IQGAP2: variants seen among roughly 807,000 people sequenced by gnomAD.
The protein encoded by IQGAP2 is ras GTPase-activating-like protein IQGAP2.
A neutral mutation model predicts 201.3 loss-of-function variants in IQGAP2; 173 were observed. That is an observed-to-expected ratio of 0.86 (90% CI 0.76 to 0.98). The LOEUF (loss-of-function observed/expected upper bound fraction) is 0.98, where lower values mean the gene tolerates loss of function less well. IQGAP2 is among the 50% of genes least tolerant of loss of function. The probability of loss-of-function intolerance (pLI) is 0.00; values close to 1 mark genes in which losing one functional copy is unlikely to be tolerated. For missense variants in IQGAP2, 1,687 were observed against 1,864.8 expected (o/e 0.90, Z 1.76); for synonymous variants, 675 against 673.9 (o/e 1.00, Z -0.03).
intron 9 of IQGAP2, chr5:76,597,201 A>T: frequency 3.9e-6 from 2 of 518,184 alleles, no homozygotes; most frequent in Non-Finnish European, 6.9e-6. Context: ...CTCAGGAATG[A>T]TCTCATACCC....
chr5:76,624,766 T>C (rs1025097234), intron 13 of IQGAP2, among the ~76,000 whole-genome samples: 1 of 152,188 alleles, frequency 6.6e-6, no homozygotes, highest in Non-Finnish European at 1.5e-5. Flanking sequence ...TTCAGTCTTC[T>C]GGTGAACAAC....
In IQGAP2 at chr5:76,409,570, C is replaced by T. The variant is rs142204516; in HGVS notation, c.46+5979C>T. ...CCTTACATGGGCTTTTCATAGAATA[C>T]ATCCAAGCTTCATCAAAAGATTTTG... On this transcript the variant is annotated intron_variant, in intron 1 of 35. Coordinates refer to ENST00000274364, the MANE Select transcript of IQGAP2 (RefSeq NM_006633.5). Among the ~76,000 whole-genome samples, 5 of 152,250 alleles carry T rather than the reference C, an allele frequency of 3.3e-5. No individual in the cohort carries two copies. The East Asian group carries it at 9.6e-4, about 29-fold the overall frequency.
In IQGAP2 at chr5:76,428,126, G is replaced by C. The variant is rs572226541; in HGVS notation, c.46+24535G>C. Among the ~76,000 whole-genome samples the C allele has an allele frequency of 4.6e-5, 7 of 152,314 alleles. No individual in the cohort carries two copies. In the East Asian group the frequency reaches 1.4e-3, roughly 30 times the overall value. ...TCTGAGCTATTTGGTGGCTCCCTGGGTGTGGTTTGAGCAGAGACTCACAGA... is the reference window on the plus strand; with the variant it reads ...TCTGAGCTATTTGGTGGCTCCCTGGCTGTGGTTTGAGCAGAGACTCACAGA... On this transcript the variant is annotated intron_variant, in intron 1 of 35. Coordinates refer to ENST00000274364, the MANE Select transcript of IQGAP2 (RefSeq NM_006633.5).
At chr5:76,519,679 G>T (rs185932233) in intron 2 of IQGAP2, among the ~76,000 whole-genome samples, 2 of 152,104 alleles carry the variant, frequency 1.3e-5, no homozygotes, top group Non-Finnish European at 2.9e-5. Flanking sequence ...ATTTTTTTCT[G>T]CAACTTCCTC....
chr5:76,664,278 G>C (rs1743528115), intron 21 of IQGAP2, among the ~76,000 whole-genome samples: 1 of 152,156 alleles, frequency 6.6e-6, no homozygotes. Flanking sequence ...GGGGGCCCAA[G>C]AAGAGAAGAG....
At chr5:76,449,879 A>T (rs1753625686) in intron 1 of IQGAP2, among the ~76,000 whole-genome samples, 1 of 152,192 alleles carries the variant, frequency 6.6e-6, no homozygotes. Flanking sequence ...AAACGCCTGG[A>T]GGAGATCAGT....
intron 28 of IQGAP2, among the ~76,000 whole-genome samples, chr5:76,678,417 AT>A (rs1239911191): frequency 1.5e-4 from 22 of 151,368 alleles, no homozygotes; most frequent in Non-Finnish European, 3.1e-4. Flanking sequence ...CTTTTCAAAC[AT>A]TAAAATTAAA....
At chr5:76,573,668 G>GTGGTGCCATCTCGGCTCACTGCAA (rs1554070001) in intron 4 of IQGAP2, among the ~76,000 whole-genome samples, 7 of 152,208 alleles carry the variant, frequency 4.6e-5, no homozygotes, top group African/African-American at 1.7e-4. Context: ...CTGGACTGCA[G>GTGGTGCCATCTCGGCTCACTGCAA]TGGTGCCATC....
chr5:76,418,820 G>A (rs894826147), intron 1 of IQGAP2, among the ~76,000 whole-genome samples: 1 of 152,148 alleles, frequency 6.6e-6, no homozygotes, highest in African/African-American at 2.4e-5. Context: ...AAAAGTAGGG[G>A]GGTGAGTGTG....
At chr5:76,672,804 G>A (rs369381584) in intron 24 of IQGAP2, among the ~76,000 whole-genome samples, 316 of 150,814 alleles carry the variant, frequency 2.1e-3, no homozygotes, top group African/African-American at 7.3e-3. Flanking sequence ...ATGCACTAAG[G>A]TATGAAAATT....
chr5:76,533,327 G>A (rs74351827), intron 2 of IQGAP2, among the ~76,000 whole-genome samples: 75 of 152,216 alleles, frequency 4.9e-4, no homozygotes, highest in East Asian at 3.5e-3. Context: ...ATTACTCACC[G>A]ACGGGGTCTC....
intron 1 of IQGAP2, among the ~76,000 whole-genome samples, chr5:76,447,517 ACGTC>A (rs995524235): frequency 6.6e-6 from 1 of 152,208 alleles, no homozygotes; most frequent in Non-Finnish European, 1.5e-5. Flanking sequence ...GGGCATAGCC[ACGTC>A]CGTCGAGAGC....
chr5:76,438,406 TG>T (rs1752838284), intron 1 of IQGAP2, among the ~76,000 whole-genome samples: 1 of 151,734 alleles, frequency 6.6e-6, no homozygotes, highest in African/African-American at 2.4e-5. Flanking sequence ...AGTGATCCTT[TG>T]TATTTCTGTG....
intron 10 of IQGAP2, 55 bp downstream of exon 10, chr5:76,597,657 A>C: frequency 5.1e-6 from 8 of 1,578,750 alleles, no homozygotes; most frequent in Non-Finnish European, 6.9e-6. Context: ...GCCATGGCGC[A>C]CTAGGGAAGC....
chr5:76,563,554 A>G (rs1235428099), intron 3 of IQGAP2, among the ~76,000 whole-genome samples: 3 of 152,192 alleles, frequency 2.0e-5, no homozygotes, highest in Non-Finnish European at 4.4e-5. Context: ...TATATTCAGA[A>G]GGAAAAGGAA....
At chr5:76,587,768 C>G (rs896376250) in intron 5 of IQGAP2, among the ~76,000 whole-genome samples, 14 of 151,646 alleles carry the variant, frequency 9.2e-5, no homozygotes, top group African/African-American at 2.9e-4. Flanking sequence ...ATGGTGAAAC[C>G]CCGTCTCTAC....
At chr5:76,555,292 T>A (rs1306520635) in intron 2 of IQGAP2, among the ~76,000 whole-genome samples, 2 of 152,254 alleles carry the variant, frequency 1.3e-5, no homozygotes, top group Non-Finnish European at 2.9e-5. Context: ...GTGTATGATG[T>A]GTGGATTATA....
At position 76,611,031 on chromosome 5, in the gene IQGAP2, G is replaced by A. The variant is rs1561507549; in HGVS notation, c.1369G>A (p.Val457Ile). 1 of 1,612,376 alleles carries A rather than the reference G, an allele frequency of 6.2e-7. No homozygotes were observed. Among genetic ancestry groups the A allele is most frequent in the Non-Finnish European group, 8.5e-7 (1 of 1,179,264 alleles). Reference sequence around the variant, plus strand: ...TCTTCATTTTCTAGGAGTTGTAGCTGTAGGGTACATCAATGAAGCTATTGA... The same window carrying A: ...TCTTCATTTTCTAGGAGTTGTAGCTATAGGGTACATCAATGAAGCTATTGA... ...IQEENDRVVA[V>I]GYINEAIDEG... Residue 457 changes from valine (V) to isoleucine (I), a missense_variant, in exon 13 of 36, where the codon GTA (valine) becomes ATA (isoleucine). Transcript: ENST00000274364.
chr5:76,656,530 G>C (rs147263117), intron 20 of IQGAP2, among the ~76,000 whole-genome samples: 160 of 151,922 alleles, frequency 1.1e-3, no homozygotes, highest in African/African-American at 3.7e-3. Context: ...TTTTTTCTGA[G>C]CCCTAACACT....
Sources: allele counts gnomAD v4.1 joint callset (sites outside exome capture counted in the v4.1 genomes callset), GRCh38; gene constraint gnomAD v4.1.1; transcripts MANE v1.5; gene names NCBI Gene and HGNC (gene_info 2026-07-23, HGNC 2026-07-21).